Variants in STK32B observed in about 807,000 individuals in gnomAD.
The protein encoded by STK32B is serine/threonine-protein kinase 32B.
A neutral mutation model predicts 52.6 loss-of-function variants in STK32B; 43 were observed. That is an observed-to-expected ratio of 0.82 (90% CI 0.64 to 1.05). The LOEUF (loss-of-function observed/expected upper bound fraction) is 1.05, where lower values mean the gene tolerates loss of function less well. STK32B is among the 50% of genes least tolerant of loss of function. STK32B has a pLI of 0.00. For missense variants in STK32B, 621 were observed against 534.6 expected (o/e 1.16, Z -1.59); for synonymous variants, 238 against 204.3 (o/e 1.17, Z -1.41).
At chr4:5,367,705 G>A (rs545972184) in intron 4 of STK32B, among the ~76,000 whole-genome samples, 1 of 152,240 alleles carries the variant, frequency 6.6e-6, no homozygotes, top group East Asian at 1.9e-4. Context: ...CTCTGCCACT[G>A]GTCTATTTAA....
At chr4:5,366,022 G>A (rs926866974) in intron 4 of STK32B, among the ~76,000 whole-genome samples, 12 of 151,772 alleles carry the variant, frequency 7.9e-5, no homozygotes, top group East Asian at 2.1e-4. Context: ...TCCTCCTGCC[G>A]TGTATTTATT....
At chr4:5,180,101 T>C (rs1245854445) in intron 3 of STK32B, among the ~76,000 whole-genome samples, 1 of 152,212 alleles carries the variant, frequency 6.6e-6, no homozygotes, top group Non-Finnish European at 1.5e-5. Flanking sequence ...AGAGTCTGTG[T>C]GGCCCCAGGA....
At chr4:5,075,349 A>G (rs1477537294) in intron 1 of STK32B, among the ~76,000 whole-genome samples, 1 of 152,150 alleles carries the variant, frequency 6.6e-6, no homozygotes, top group Non-Finnish European at 1.5e-5. Context: ...TTGAAATGAA[A>G]CCCGAAGGTT....
chr4:5,051,627 G>A lies in STK32B; in HGVS notation c.-237G>A, dbSNP rs1741784308. 1.9e-6 allele frequency: 1 copy of A among 519,050 alleles called. No individual in the cohort carries two copies. The highest frequency in any genetic ancestry group is 4.9e-4 in the Middle Eastern group (1 of 2,022). The allele number at this position is 519,050 out of a possible 1,614,324, so 32.2% of individuals were successfully genotyped here. On this transcript the variant is annotated 5_prime_UTR_variant, in exon 1 of 12. Coordinates refer to ENST00000282908, the MANE Select transcript of STK32B (RefSeq NM_018401.3). ...AGGAGCTGCGAGCGCAGCCCGAGGC[G>A]GGGCACGGCGGAAGGCGCGGCGAGA...
At chr4:5,451,192 A>G (rs1440543224) in intron 7 of STK32B, among the ~76,000 whole-genome samples, 1 of 152,232 alleles carries the variant, frequency 6.6e-6, no homozygotes, top group African/African-American at 2.4e-5. Context: ...AGACAGGTAG[A>G]TGCAGGTAAA....
At chr4:5,213,723 A>G (rs1723030863) in intron 3 of STK32B, among the ~76,000 whole-genome samples, 1 of 152,078 alleles carries the variant, frequency 6.6e-6, no homozygotes, top group African/African-American at 2.4e-5. Context: ...TCCCACCTAT[A>G]CTTAAGCTGT....
At chr4:5,325,084 G>A (rs80083491) in intron 3 of STK32B, among the ~76,000 whole-genome samples, 2,555 of 152,254 alleles carry the variant, frequency 0.017, 27 homozygotes, top group East Asian at 0.07. Flanking sequence ...TGAGCATGAC[G>A]CACAGCCTCA....
chr4:5,419,962 A>G (rs1712484220), intron 6 of STK32B, among the ~76,000 whole-genome samples: 1 of 152,236 alleles, frequency 6.6e-6, no homozygotes, highest in Non-Finnish European at 1.5e-5. Context: ...TATGTCAGGT[A>G]CCGAGCTAAG....
chr4:5,477,788 G>T (rs1242724510), intron 11 of STK32B, among the ~76,000 whole-genome samples: 1 of 152,114 alleles, frequency 6.6e-6, no homozygotes, highest in Non-Finnish European at 1.5e-5. Context: ...TAGTCACGTG[G>T]CCTCACTTAA....
At chr4:5,048,352 G>A (rs960763905), upstream of STK32B, among the ~76,000 whole-genome samples, 1 of 148,110 alleles carries the variant, frequency 6.8e-6, no homozygotes, top group African/African-American at 2.5e-5. Flanking sequence ...CCAGGCTGGA[G>A]TGCGATGGCG....
chr4:5,474,976 C>T (rs529293345), intron 11 of STK32B, among the ~76,000 whole-genome samples: 7 of 152,222 alleles, frequency 4.6e-5, no homozygotes, highest in South Asian at 2.1e-4. Context: ...AAATGCCTTT[C>T]GAATGACTGG....
intron 4 of STK32B, among the ~76,000 whole-genome samples, chr4:5,391,740 G>A (rs943172335): frequency 7.2e-5 from 11 of 152,188 alleles, no homozygotes; most frequent in African/African-American, 2.7e-4. Context: ...ACTTGACCAC[G>A]AATGGGCCTG....
intron 11 of STK32B, among the ~76,000 whole-genome samples, chr4:5,492,745 G>A (rs1414443188): frequency 6.6e-5 from 10 of 151,334 alleles, no homozygotes; most frequent in Non-Finnish European, 8.8e-5. Flanking sequence ...TTTGAGATAC[G>A]TCCCATCAAT....
At chr4:5,371,843 C>T (rs1279525173) in intron 4 of STK32B, among the ~76,000 whole-genome samples, 2 of 152,254 alleles carry the variant, frequency 1.3e-5, no homozygotes, top group African/African-American at 4.8e-5. Flanking sequence ...TTGCTGACCT[C>T]TCTCTCTGGA....
intron 1 of STK32B, among the ~76,000 whole-genome samples, chr4:5,129,553 T>A (rs1388651648): frequency 6.6e-6 from 1 of 152,258 alleles, no homozygotes; most frequent in Non-Finnish European, 1.5e-5. Context: ...ACATTTGACC[T>A]ATTCTCACCT....
intron 4 of STK32B, among the ~76,000 whole-genome samples, chr4:5,357,062 TACACACATATACACAC>T (rs1271412753): frequency 6.8e-6 from 1 of 146,206 alleles, no homozygotes; most frequent in Non-Finnish European, 1.5e-5. Flanking sequence ...CACACATATA[TACACACATATACACAC>T]ACACACGTAT....
At chr4:5,269,235 C>T (rs912007011) in intron 3 of STK32B, among the ~76,000 whole-genome samples, 1 of 152,148 alleles carries the variant, frequency 6.6e-6, no homozygotes, top group Non-Finnish European at 1.5e-5. Flanking sequence ...GTGATGCTCA[C>T]ACAGGGCTGA....
At chr4:5,203,758 T>G (rs913332320) in intron 3 of STK32B, among the ~76,000 whole-genome samples, 13 of 152,178 alleles carry the variant, frequency 8.5e-5, no homozygotes, top group Admixed American at 7.9e-4. Flanking sequence ...GATCATTCCT[T>G]TGCTTCCGTG....
intron 5 of STK32B, among the ~76,000 whole-genome samples, 189 bp from the exon 6 acceptor site, chr4:5,416,656 G>T (rs2301858): frequency 6.6e-6 from 1 of 151,944 alleles, no homozygotes; most frequent in African/African-American, 2.4e-5. Context: ...ATATGCATAA[G>T]TTACCAAATG....
Sources: gnomAD v4.1 joint callset for allele counts (sites outside exome capture counted in the v4.1 genomes callset) on GRCh38, gnomAD v4.1.1 for gene constraint, MANE v1.5 for transcripts, NCBI Gene and HGNC (gene_info 2026-07-23, HGNC 2026-07-21) for gene names.